The following SAMM50 variants were observed in gnomAD, a reference collection of about 807,000 sequenced individuals.
The protein encoded by SAMM50 is SAMM50 sorting and assembly machinery component, also known as sorting and assembly machinery component 50 homolog.
Under a neutral mutation model 66.9 loss-of-function variants are expected in SAMM50, and 47 were observed. The observed-to-expected ratio is 0.70, with a 90% CI of 0.56 to 0.90. SAMM50 has a LOEUF of 0.90. Among genes scored for constraint, SAMM50 ranks in the 40% least tolerant of loss-of-function variants. The probability of loss-of-function intolerance (pLI) is 0.00; values close to 1 mark genes in which losing one functional copy is unlikely to be tolerated. For synonymous variants in SAMM50, 191 were observed against 214.1 expected (o/e 0.89, Z 0.94); for missense variants, 535 against 595.3 (o/e 0.90, Z 1.05).
At chr22:43,978,477 A>AT (rs1454367894) in intron 10 of SAMM50, among the ~76,000 whole-genome samples, 1 of 146,490 alleles carries the variant, frequency 6.8e-6, no homozygotes, top group Non-Finnish European at 1.5e-5. Context: ...ATCGTTACAC[A>AT]TAGGACCATG....
intron 1 of SAMM50, 97 bp downstream of exon 1, chr22:43,955,695 A>C (rs780264730): frequency 2.4e-5 from 33 of 1,350,374 alleles, no homozygotes; most frequent in Non-Finnish European, 2.9e-5. Flanking sequence ...CCCAGGGTTC[A>C]CCGGGAGAGA....
rs754290245 is a variant in SAMM50 at position 43,955,596 on chromosome 22, C to A, written c.19C>A (p.Arg7=). ...GGGAACCATGGGGACTGTGCACGCC[C>A]GGGTAAGAGGCCCAGCGACCCGCGG... The part of the protein sequence containing the change: MGTVHA[R]SLEPLPSSGP... Residue 7 remains arginine (R), a splice_region_variant and synonymous_variant, in exon 1 of 15, where the codon CGG becomes AGG. Coordinates refer to ENST00000350028, the MANE Select transcript of SAMM50 (RefSeq NM_015380.5). 6.3e-7 allele frequency: 1 copy of A among 1,597,842 alleles called. No individual in the cohort carries two copies. The highest frequency in any genetic ancestry group is 1.7e-5 in the Admixed American group (1 of 57,940).
intron 2 of SAMM50, among the ~76,000 whole-genome samples, 183 bp downstream of exon 2, chr22:43,963,579 G>A (rs113652719): frequency 6.6e-5 from 10 of 152,256 alleles, no homozygotes; most frequent in Non-Finnish European, 1.0e-4. Context: ...TAAAGAAGTC[G>A]CTCTTCCTTG....
At chr22:43,967,665 G>C (rs746110727) in intron 3 of SAMM50, among the ~76,000 whole-genome samples, 1 of 152,210 alleles carries the variant, frequency 6.6e-6, no homozygotes, top group Non-Finnish European at 1.5e-5. Flanking sequence ...GCATTCGTCT[G>C]TGTGATCCGT....
chr22:43,968,885 GC>G, intron 4 of SAMM50, 67 bp downstream of exon 4: 1 of 1,077,782 alleles, frequency 9.3e-7, no homozygotes, highest in Non-Finnish European at 1.4e-6. Flanking sequence ...TGTTTTTATG[GC>G]CAGATGCAGA....
chr22:43,971,231 C>T (rs562300057), intron 4 of SAMM50, among the ~76,000 whole-genome samples: 25 of 152,318 alleles, frequency 1.6e-4, no homozygotes, highest in African/African-American at 5.8e-4. Context: ...GTTCCTAGAG[C>T]GGTGCCTGAG....
intron 9 of SAMM50, 102 bp downstream of exon 9, chr22:43,976,923 C>T (rs1037609341): frequency 1.7e-4 from 119 of 702,142 alleles, no homozygotes; most frequent in Non-Finnish European, 6.5e-5. Flanking sequence ...GTGGGCAGTC[C>T]CACAGAGTAA....
At chr22:43,959,507 TACACACACACACACAC>T (rs138315774) in intron 1 of SAMM50, among the ~76,000 whole-genome samples, 1 of 138,492 alleles carries the variant, frequency 7.2e-6, no homozygotes, top group Non-Finnish European at 1.5e-5. Context: ...TTTTTTATAT[TACACACACACACACAC>T]ACACACACAC....
At chr22:43,976,595 G>A (rs2050233677) in intron 8 of SAMM50, among the ~76,000 whole-genome samples, 155 bp from the exon 9 acceptor site, 1 of 152,236 alleles carries the variant, frequency 6.6e-6, no homozygotes, top group Non-Finnish European at 1.5e-5. Flanking sequence ...GTAAGATAGG[G>A]ACAGTCACCC....
intron 1 of SAMM50, among the ~76,000 whole-genome samples, chr22:43,960,448 G>A (rs1347329752): frequency 6.6e-6 from 1 of 152,132 alleles, no homozygotes; most frequent in African/African-American, 2.4e-5. Flanking sequence ...TAAGAAACAG[G>A]TCAGGCGCAG....
At chr22:43,967,346 T>A (rs2050178632) in intron 3 of SAMM50, among the ~76,000 whole-genome samples, 1 of 152,224 alleles carries the variant, frequency 6.6e-6, no homozygotes, top group African/African-American at 2.4e-5. Context: ...CCCTTTTCCA[T>A]CTGTCTGCTC....
At chr22:43,970,437 A>C (rs991663296) in intron 4 of SAMM50, among the ~76,000 whole-genome samples, 1 of 152,008 alleles carries the variant, frequency 6.6e-6, no homozygotes, top group Non-Finnish European at 1.5e-5. Flanking sequence ...TCCTCATTCC[A>C]GTATTGGAGG....
intron 6 of SAMM50, 103 bp from the exon 7 acceptor site, chr22:43,973,133 T>G (rs993563567): frequency 1.5e-6 from 2 of 1,353,010 alleles, no homozygotes; most frequent in African/African-American, 2.9e-5. Flanking sequence ...GATTTCCTCT[T>G]GAAGATGAGC....
chr22:43,968,226 C>CAAAAAAAAAAAAAAAAAAAAAAAAA (rs66961907), intron 3 of SAMM50, among the ~76,000 whole-genome samples: 54 of 68,572 alleles, frequency 7.9e-4, no homozygotes, highest in Admixed American at 1.0e-3. Flanking sequence ...AACTCTGTCT[C>CAAAAAAAAAAAAAAAAAAAAAAAAA]AAAAAAAAAA....
intron 4 of SAMM50, among the ~76,000 whole-genome samples, chr22:43,971,560 G>C (rs987831585): frequency 1.3e-5 from 2 of 152,120 alleles, no homozygotes; most frequent in South Asian, 4.1e-4. Flanking sequence ...TTTTCATGTC[G>C]GTTGAATTGA....
chr22:43,961,366 C>G (rs547416145), intron 1 of SAMM50, among the ~76,000 whole-genome samples: 12 of 151,998 alleles, frequency 7.9e-5, no homozygotes, highest in Non-Finnish European at 1.8e-4. Flanking sequence ...GACTTATGGT[C>G]AAGCAAACAT....
At position 43,972,908 on chromosome 22, in the gene SAMM50, C is replaced by T; in HGVS notation, c.467C>T (p.Ala156Val). ...GLKLPNLLGR[A>V]EKVTFQFSYG... is the part of the protein sequence containing the mutation. ...AAGCTTCCTAATCTTCTTGGTCGTG[C>T]AGAAAAGGTGACCTTTCAGTTTTCC... Residue 156 changes from alanine (A) to valine (V), a missense_variant, in exon 6 of 15, where the codon GCA (alanine) becomes GTA (valine). Ala to Val is a moderately conservative substitution (Grantham distance 64, BLOSUM62 0). Transcript: ENST00000350028. The T allele has an allele frequency of 1.9e-6, 3 of 1,601,946 alleles. No homozygotes were observed. Among genetic ancestry groups the T allele is most frequent in the Non-Finnish European group, 2.5e-6 (3 of 1,177,484 alleles).
chr22:43,983,895 C>T lies in SAMM50; in HGVS notation c.1008-38C>T, dbSNP rs760976168. ...CCGTGTGTCATGTCGTTTCTCACCT[C>T]CTGACTTTCCTCTGACCTGTGTGCT... On this transcript the variant is annotated intron_variant, in intron 11 of 14. Transcript: ENST00000350028. The surrounding 1 kb of genome is among the most constrained non-coding windows in gnomAD (Gnocchi z 4.2). 6 of 1,494,788 alleles carry T rather than the reference C, an allele frequency of 4.0e-6. No individual in the cohort carries two copies. Among genetic ancestry groups the T allele is most frequent in the Non-Finnish European group, 5.5e-6 (6 of 1,086,212 alleles). The allele number at this position is 1,494,788 out of a possible 1,614,324, so 92.6% of individuals were successfully genotyped here.
At chr22:43,962,778 G>T (rs1290244324) in intron 1 of SAMM50, among the ~76,000 whole-genome samples, 3 of 147,076 alleles carry the variant, frequency 2.0e-5, no homozygotes, top group Admixed American at 6.8e-5. Flanking sequence ...ATTTTTAAAT[G>T]ATTTTTTAAT....
Sources: allele counts gnomAD v4.1 joint callset (sites outside exome capture counted in the v4.1 genomes callset), GRCh38; gene constraint gnomAD v4.1.1; non-coding constraint Gnocchi (gnomAD v3.1); transcripts MANE v1.5; gene names NCBI Gene and HGNC (gene_info 2026-07-23, HGNC 2026-07-21).